ARHGEF6: variants seen among roughly 807,000 people sequenced by gnomAD.
The protein encoded by ARHGEF6 is rho guanine nucleotide exchange factor 6.
In ARHGEF6, 9 loss-of-function variants were observed where a neutral mutation model predicts 70.3. The ratio of observed to expected loss-of-function variants is 0.13; its 90% CI spans 0.08 to 0.22. The LOEUF (loss-of-function observed/expected upper bound fraction) is 0.22. Ranked by LOEUF, ARHGEF6 falls within the 10% of genes least tolerant of loss-of-function variation. The probability of loss-of-function intolerance (pLI) is 1.00; values close to 1 mark genes in which losing one functional copy is unlikely to be tolerated. For missense variants in ARHGEF6, 470 were observed against 563.0 expected (o/e 0.83, Z 1.67); for synonymous variants, 201 against 207.8 (o/e 0.97, Z 0.28).
chrX:136,725,167 G>A (rs774305795), intron 6 of ARHGEF6, among the ~76,000 whole-genome samples: 1 of 110,879 alleles, frequency 9.0e-6, no homozygotes, highest in South Asian at 3.9e-4. Context: ...CATCTCTGCT[G>A]GAACCACTGG....
chrX:136,671,062 A>G (rs765642710), intron 20 of ARHGEF6, among the ~76,000 whole-genome samples: 1 of 112,267 alleles, frequency 8.9e-6, no homozygotes, highest in Non-Finnish European at 1.9e-5. Context: ...GTAAAAATGA[A>G]TATCGTTATA....
chrX:136,702,604 A>C (rs1219695194), intron 9 of ARHGEF6, among the ~76,000 whole-genome samples: 5 of 112,584 alleles, frequency 4.4e-5, no homozygotes, highest in Non-Finnish European at 9.4e-5. Flanking sequence ...CAGACAAAGC[A>C]GACTTCCGAT....
chrX:136,686,715 T>TATATATACACATATATATATAC (rs2076405604), intron 11 of ARHGEF6, among the ~76,000 whole-genome samples: 1 of 76,016 alleles, frequency 1.3e-5, no homozygotes, highest in African/African-American at 6.8e-5. Context: ...TATACATATA[T>TATATATACACATATATATATAC]ATATATATAT....
intron 2 of ARHGEF6, among the ~76,000 whole-genome samples, chrX:136,748,053 T>C (rs902534973): frequency 2.7e-5 from 3 of 112,055 alleles, no homozygotes; most frequent in Non-Finnish European, 5.6e-5. Flanking sequence ...TGTGCCTAGT[T>C]GAGTCACTGT....
intron 5 of ARHGEF6, among the ~76,000 whole-genome samples, chrX:136,741,538 TGTG>T (rs2077042954): frequency 9.5e-6 from 1 of 105,050 alleles, no homozygotes; most frequent in African/African-American, 3.7e-5. Context: ...TTTTTTTTTT[TGTG>T]TGTGTGTGTG....
At chrX:136,683,405 T>C (rs774907979) in intron 12 of ARHGEF6, among the ~76,000 whole-genome samples, 3 of 111,405 alleles carry the variant, frequency 2.7e-5, no homozygotes, top group South Asian at 3.8e-4. Flanking sequence ...TTTGCCCAGG[T>C]TGGAGTGCAA....
intron 5 of ARHGEF6, among the ~76,000 whole-genome samples, chrX:136,742,091 C>T (rs934750197): frequency 1.2e-4 from 13 of 111,641 alleles, no homozygotes; most frequent in African/African-American, 3.6e-4. Context: ...GAGGCTGAGG[C>T]GGGCGGATCA....
intron 1 of ARHGEF6, 38 bp downstream of exon 1, chrX:136,780,680 T>A: frequency 8.7e-7 from 1 of 1,143,708 alleles, no homozygotes. Flanking sequence ...TGCTCTCTGG[T>A]GATAAGCAAT....
Position 136,743,708 on chromosome X carries a change from A to G in ARHGEF6, c.538T>C (p.Ser180Pro), listed in dbSNP as rs1183827748. The G allele has an allele frequency of 1.4e-5, 17 of 1,210,056 alleles. No homozygotes were observed. The highest frequency in any genetic ancestry group is 1.8e-5 in the Non-Finnish European group (16 of 895,080). ...TAAATGATGTCCCCCTTACAAACTGACAGTTCATCCTCATTAGTCTGCTTA... is the reference window on the plus strand; with the variant it reads ...TAAATGATGTCCCCCTTACAAACTGGCAGTTCATCCTCATTAGTCTGCTTA... The part of the protein sequence containing the change: ...NFKQTNEDEL[S>P]VCKGDIIYVT... Residue 180 changes from serine (S) to proline (P), a missense_variant, in exon 5 of 22, where the codon TCA becomes CCA. Ser to Pro is a moderately conservative substitution (Grantham distance 74, BLOSUM62 -1). This residue lies in a region of ARHGEF6 where 379 missense variants were observed against 449.3 expected (regional missense o/e 0.84). Transcript: ENST00000250617.
chrX:136,687,694 C>T (rs2076418353), intron 11 of ARHGEF6, among the ~76,000 whole-genome samples: 2 of 111,944 alleles, frequency 1.8e-5, no homozygotes, highest in African/African-American at 6.5e-5. Flanking sequence ...CTTAATGTGG[C>T]TTAATGTGGC....
chrX:136,727,395 T>TTCTTTCTCTC (rs1491576833), intron 6 of ARHGEF6, among the ~76,000 whole-genome samples: 3 of 53,616 alleles, frequency 5.6e-5, no homozygotes, highest in African/African-American at 2.4e-4. Context: ...CTTTCTTTCT[T>TTCTTTCTCTC]TCTCTCTCTC....
intron 16 of ARHGEF6, among the ~76,000 whole-genome samples, chrX:136,678,628 G>A (rs966343138): frequency 4.5e-5 from 5 of 111,399 alleles, no homozygotes; most frequent in Non-Finnish European, 9.4e-5. Flanking sequence ...ACAATTAATC[G>A]AAACAAAAGC....
At chrX:136,757,316 C>T (rs1025902872) in intron 2 of ARHGEF6, among the ~76,000 whole-genome samples, 8 of 112,607 alleles carry the variant, frequency 7.1e-5, no homozygotes, top group African/African-American at 9.7e-5. Flanking sequence ...GTTGAGATCG[C>T]GCCACTAGCC....
chrX:136,717,927 A>C (rs1206874258), intron 6 of ARHGEF6, among the ~76,000 whole-genome samples: 2 of 111,911 alleles, frequency 1.8e-5, no homozygotes, highest in African/African-American at 6.5e-5. Flanking sequence ...AACAAAAAGC[A>C]AAAAAATGTG....
At chrX:136,767,631 C>A in intron 2 of ARHGEF6, 1 of 754,173 alleles carries the variant, frequency 1.3e-6, no homozygotes. Flanking sequence ...CGCGGGGTGG[C>A]GAGTGGAGGG....
At chrX:136,677,427 CA>C (rs913194610) in intron 17 of ARHGEF6, among the ~76,000 whole-genome samples, 7 of 111,281 alleles carry the variant, frequency 6.3e-5, no homozygotes, top group Non-Finnish European at 1.1e-4. Context: ...ACCAGCAGGT[CA>C]AAAAAATACT....
At chrX:136,726,011 A>C (rs2076848452) in intron 6 of ARHGEF6, among the ~76,000 whole-genome samples, 1 of 112,127 alleles carries the variant, frequency 8.9e-6, no homozygotes, top group Non-Finnish European at 1.9e-5. Context: ...TTAAGAAACT[A>C]AAATGCATAA....
At chrX:136,687,679 C>T (rs922982931) in intron 11 of ARHGEF6, among the ~76,000 whole-genome samples, 6 of 111,926 alleles carry the variant, frequency 5.4e-5, no homozygotes, top group South Asian at 3.7e-4. Context: ...ACCTACACAC[C>T]AATGCTTAAT....
At chrX:136,669,713 C>T (rs959192367) in intron 20 of ARHGEF6, among the ~76,000 whole-genome samples, 177 bp from the exon 21 acceptor site, 2 of 112,092 alleles carry the variant, frequency 1.8e-5, no homozygotes, top group Non-Finnish European at 3.8e-5. Flanking sequence ...GATGGAAGAA[C>T]AACCACCACC....
Sources: gnomAD v4.1 joint callset for allele counts (sites outside exome capture counted in the v4.1 genomes callset) on GRCh38, gnomAD v4.1.1 for gene constraint, gnomAD v4.1.1 regional missense constraint, MANE v1.5 for transcripts, NCBI Gene and HGNC (gene_info 2026-07-23, HGNC 2026-07-21) for gene names.